The following DOCK9 variants were observed in gnomAD, a reference collection of about 807,000 sequenced individuals.
DOCK9 encodes the protein dedicator of cytokinesis protein 9.
DOCK9 carries 89 observed loss-of-function variants against 263.3 expected under a neutral mutation model. The ratio of observed to expected loss-of-function variants is 0.34; its 90% CI spans 0.28 to 0.40. The LOEUF is 0.40. Among genes scored for constraint, DOCK9 ranks in the 10% least tolerant of loss-of-function variants. The pLI is 1.00. For synonymous variants in DOCK9, 976 were observed against 973.1 expected (o/e 1.00, Z -0.06); for missense variants, 2,140 against 2,603.4 (o/e 0.82, Z 3.87).
chr13:98,924,338 C>A (rs1330576845), intron 4 of DOCK9, among the ~76,000 whole-genome samples: 1 of 152,152 alleles, frequency 6.6e-6, no homozygotes, highest in Non-Finnish European at 1.5e-5. Flanking sequence ...TACTGAGAAC[C>A]GCATAAAAGG....
At chr13:98,943,878 A>G (rs1188882578) in intron 2 of DOCK9, among the ~76,000 whole-genome samples, 1 of 152,224 alleles carries the variant, frequency 6.6e-6, no homozygotes, top group Non-Finnish European at 1.5e-5. Flanking sequence ...GACACAGTAT[A>G]TACTTCATAA....
chr13:98,811,875 C>G (rs560611080), intron 45 of DOCK9, among the ~76,000 whole-genome samples: 2 of 152,252 alleles, frequency 1.3e-5, no homozygotes, highest in East Asian at 3.9e-4. Flanking sequence ...CTTCCAGAAG[C>G]TTTATAGTTT....
At chr13:98,914,893 T>A (rs1425378125) in intron 8 of DOCK9, among the ~76,000 whole-genome samples, 2 of 152,238 alleles carry the variant, frequency 1.3e-5, no homozygotes, top group Non-Finnish European at 2.9e-5. Flanking sequence ...ATTCTAATTA[T>A]TACTAATATT....
chr13:99,021,178 C>A (rs528376891), intron 1 of DOCK9, among the ~76,000 whole-genome samples: 2 of 152,322 alleles, frequency 1.3e-5, no homozygotes, highest in South Asian at 4.1e-4. Context: ...AAATGCTGGT[C>A]TCTCTTCTTC....
intron 2 of DOCK9, among the ~76,000 whole-genome samples, chr13:98,953,931 G>C (rs1384749407): frequency 1.3e-5 from 2 of 152,086 alleles, no homozygotes; most frequent in Non-Finnish European, 2.9e-5. Context: ...AATCATTTTG[G>C]GGCCCAGGTA....
intron 1 of DOCK9, among the ~76,000 whole-genome samples, chr13:98,988,519 G>A (rs1361651890): frequency 2.0e-5 from 3 of 152,154 alleles, no homozygotes; most frequent in Admixed American, 1.3e-4. Context: ...GAGCTGTCAC[G>A]TGGCAGAACT....
At chr13:98,804,014 C>T (rs183446347) in intron 49 of DOCK9, among the ~76,000 whole-genome samples, 2 of 151,364 alleles carry the variant, frequency 1.3e-5, no homozygotes, top group East Asian at 1.9e-4. Flanking sequence ...TTAAAGCATA[C>T]GCTTCGCCGG....
intron 3 of DOCK9, among the ~76,000 whole-genome samples, chr13:98,928,654 G>A (rs1288976486): frequency 1.3e-5 from 2 of 152,124 alleles, no homozygotes; most frequent in Non-Finnish European, 2.9e-5. Context: ...AGCTTTGAGG[G>A]TCATATTATC....
At chr13:98,889,196 A>C (rs868366705) in intron 15 of DOCK9, among the ~76,000 whole-genome samples, 12 of 152,296 alleles carry the variant, frequency 7.9e-5, no homozygotes, top group South Asian at 4.1e-4. Context: ...AGCTATGAGG[A>C]TGCAAAGGCA....
intron 1 of DOCK9, among the ~76,000 whole-genome samples, chr13:99,077,574 G>C (rs2041960277): frequency 6.6e-6 from 1 of 152,106 alleles, no homozygotes; most frequent in South Asian, 2.1e-4. Context: ...TGCCTTTATT[G>C]CAGTGCAAAA....
intron 2 of DOCK9, among the ~76,000 whole-genome samples, chr13:98,948,704 C>T (rs2057025480): frequency 6.6e-6 from 1 of 152,152 alleles, no homozygotes; most frequent in African/African-American, 2.4e-5. Flanking sequence ...CAATAACTCC[C>T]CATTGCTCCC....
intron 1 of DOCK9, among the ~76,000 whole-genome samples, chr13:99,000,252 A>T (rs1240760554): frequency 1.3e-5 from 2 of 152,274 alleles, no homozygotes; most frequent in East Asian, 3.9e-4. Context: ...GTCCTTCTGA[A>T]GATGCAACAC....
At chr13:98,809,196 TAAG>T in intron 47 of DOCK9, 153 bp downstream of exon 47, 2 of 1,320,576 alleles carry the variant, frequency 1.5e-6, no homozygotes, top group Non-Finnish European at 2.1e-6. Flanking sequence ...CTGAGGAAGA[TAAG>T]AATCATACTA....
At chr13:98,861,929 C>A (rs1267254183) in intron 32 of DOCK9, among the ~76,000 whole-genome samples, 1 of 152,204 alleles carries the variant, frequency 6.6e-6, no homozygotes, top group African/African-American at 2.4e-5. Context: ...GGGAGAGAAA[C>A]TGTAGCCCAC....
chr13:98,837,674 T>G (rs2141128525), intron 38 of DOCK9, 65 bp from the exon 39 acceptor site: 1 of 1,082,850 alleles, frequency 9.2e-7, no homozygotes, highest in Non-Finnish European at 1.3e-6. Context: ...CAGGATGCGG[T>G]AGGCACAGTC....
intron 1 of DOCK9, among the ~76,000 whole-genome samples, chr13:98,986,543 C>A (rs1595832055): frequency 6.6e-6 from 1 of 152,168 alleles, no homozygotes; most frequent in African/African-American, 2.4e-5. Flanking sequence ...AATAACAGCT[C>A]CCCAACAATC....
At chr13:98,999,316 A>ACACACACACACACTCTCTCTCTCTCT in intron 1 of DOCK9, among the ~76,000 whole-genome samples, 8 of 138,360 alleles carry the variant, frequency 5.8e-5, no homozygotes, top group Admixed American at 1.4e-4. Flanking sequence ...ACACACACAC[A>ACACACACACACACTCTCTCTCTCTCT]CTCTCTCTCT....
chr13:98,902,530 A>C, intron 11 of DOCK9, 39 bp from the exon 12 acceptor site: 4 of 1,578,404 alleles, frequency 2.5e-6, no homozygotes, highest in Non-Finnish European at 2.6e-6. Flanking sequence ...ACCATGGCTC[A>C]AACAGGGACA....
At chr13:98,860,607 G>C in intron 32 of DOCK9, 85 bp from the exon 33 acceptor site, 1 of 1,317,194 alleles carries the variant, frequency 7.6e-7, no homozygotes, top group Non-Finnish European at 1.0e-6. Context: ...GGCAAGTGCA[G>C]GACCAAGACA....
Sources: allele counts gnomAD v4.1 joint callset (sites outside exome capture counted in the v4.1 genomes callset), GRCh38; gene constraint gnomAD v4.1.1; transcripts MANE v1.5; gene names NCBI Gene and HGNC (gene_info 2026-07-23, HGNC 2026-07-21).